Variants in ATF7IP2 observed in about 807,000 individuals in gnomAD.
The protein encoded by ATF7IP2 is activating transcription factor 7-interacting protein 2.
ATF7IP2 carries 42 observed loss-of-function variants against 64.2 expected under a neutral mutation model. The observed-to-expected ratio is 0.65, with a 90% CI of 0.51 to 0.85. The LOEUF is 0.85. ATF7IP2 is among the 40% of genes least tolerant of loss of function. The probability of loss-of-function intolerance (pLI) is 0.00; values close to 1 mark genes in which losing one functional copy is unlikely to be tolerated. For missense variants in ATF7IP2, 933 were observed against 784.2 expected (o/e 1.19, Z -2.27); for synonymous variants, 308 against 272.8 (o/e 1.13, Z -1.27).
At chr16:10,403,290 C>A (rs1168041465) in intron 1 of ATF7IP2, among the ~76,000 whole-genome samples, 1 of 152,100 alleles carries the variant, frequency 6.6e-6, no homozygotes, top group Non-Finnish European at 1.5e-5. Context: ...ATTGTCCATA[C>A]CATGCTGGCT....
rs2050305069 is a variant in ATF7IP2 at position 10,483,328 on chromosome 16, C to A, written c.*1079C>A. On this transcript the variant is annotated 3_prime_UTR_variant, in exon 14 of 14. Transcript: ENST00000562102. Reference sequence around the variant, plus strand: ...TGCTACCCTTTGATCATTTCCTGGCCACCATCACAATACTAAGGGGCTCAG... The same window carrying A: ...TGCTACCCTTTGATCATTTCCTGGCAACCATCACAATACTAAGGGGCTCAG... 2.0e-5 allele frequency: 3 copies of A among 152,110 alleles called. No individual in the cohort carries two copies. The highest frequency in any genetic ancestry group is 4.1e-4 in the South Asian group (2 of 4,826). The allele number at this position is 152,110 out of a possible 1,614,324, so 9.4% of individuals were successfully genotyped here. A position where few individuals can be genotyped will look rare whatever the true frequency, so the allele number is the denominator to read the frequency against.
At chr16:10,414,663 T>TGTGTGTGTG (rs1567436963) in intron 2 of ATF7IP2, 51 bp downstream of exon 2, 2 of 13,262 alleles carry the variant, frequency 1.5e-4, no homozygotes, top group African/African-American at 1.2e-3. Flanking sequence ...GTGTGTGTGT[T>TGTGTGTGTG]TGGGCGGGGG....
chr16:10,389,646 A>C (rs1596410261), intron 1 of ATF7IP2, among the ~76,000 whole-genome samples: 1 of 152,374 alleles, frequency 6.6e-6, no homozygotes, highest in East Asian at 1.9e-4. Context: ...AAAATATTTT[A>C]AAATACTGAG....
At chr16:10,422,935 C>G (rs1031733119) in intron 3 of ATF7IP2, among the ~76,000 whole-genome samples, 1 of 152,292 alleles carries the variant, frequency 6.6e-6, no homozygotes, top group East Asian at 1.9e-4. Flanking sequence ...CCTGTATGTA[C>G]TTGCATTCCT....
At chr16:10,440,286 G>A (rs1182778609) in intron 7 of ATF7IP2, 78 bp from the exon 8 acceptor site, 1 of 647,456 alleles carries the variant, frequency 1.5e-6, no homozygotes, top group African/African-American at 1.9e-5. Context: ...AACTACTTTG[G>A]CAAATAATTT....
intron 3 of ATF7IP2, among the ~76,000 whole-genome samples, chr16:10,425,128 G>A (rs2048059023): frequency 6.8e-6 from 1 of 146,044 alleles, no homozygotes. Flanking sequence ...GCTCAATCTC[G>A]GCTCACGGCA....
At chr16:10,465,030 A>G (rs1248092475) in intron 9 of ATF7IP2, among the ~76,000 whole-genome samples, 1 of 152,194 alleles carries the variant, frequency 6.6e-6, no homozygotes, top group African/African-American at 2.4e-5. Flanking sequence ...GGGTTTCGCC[A>G]TGTTAGTCAG....
intron 1 of ATF7IP2, among the ~76,000 whole-genome samples, chr16:10,396,571 G>T (rs920495347): frequency 3.3e-5 from 5 of 151,984 alleles, no homozygotes; most frequent in African/African-American, 1.2e-4. Flanking sequence ...GGCCCAGGCT[G>T]GAGTGCAGTG....
rs749235764 is a variant in ATF7IP2 at position 10,430,654 on chromosome 16, T to A, written c.34T>A (p.Leu12Ile). The A allele has an allele frequency of 3.1e-6, 5 of 1,613,892 alleles. No homozygotes were observed. Among genetic ancestry groups the A allele is most frequent in the Admixed American group, 1.7e-5 (1 of 59,986 alleles). Residue 12 changes from leucine to isoleucine, a missense_variant, in exon 5 of 14, where the codon TTA becomes ATA. Physicochemically the swap from Leu to Ile is conservative, Grantham distance 5 (BLOSUM62 2). Coordinates refer to ENST00000562102, the MANE Select transcript of ATF7IP2 (RefSeq NM_001393719.1). ...ASPDRSKRKILKAKKTMPLSC... is the reference protein window; with the variant it reads ...ASPDRSKRKIIKAKKTMPLSC... ...TCCAGATAGAAGTAAACGGAAGATA[T>A]TAAAAGCCAAAAAGACAATGCCCCT... is the stretch of plus-strand genomic sequence containing the variant.
intron 9 of ATF7IP2, among the ~76,000 whole-genome samples, chr16:10,467,906 T>C (rs1282907626): frequency 6.9e-6 from 1 of 145,064 alleles, no homozygotes; most frequent in Non-Finnish European, 1.5e-5. Context: ...TGAGACAGAG[T>C]TTTGCTCTTG....
chr16:10,445,815 T>C (rs1005908675), intron 8 of ATF7IP2: 1 of 152,176 alleles, frequency 6.6e-6, no homozygotes, highest in Admixed American at 6.5e-5. Flanking sequence ...CCCTGGAGAT[T>C]ATTAAATACA....
At chr16:10,417,880 T>C (rs1313629406) in intron 2 of ATF7IP2, among the ~76,000 whole-genome samples, 1 of 152,216 alleles carries the variant, frequency 6.6e-6, no homozygotes, top group African/African-American at 2.4e-5. Flanking sequence ...TCAATTTGTT[T>C]TTTATGAGGG....
At chr16:10,388,496 G>C (rs548312840) in intron 1 of ATF7IP2, among the ~76,000 whole-genome samples, 1 of 152,304 alleles carries the variant, frequency 6.6e-6, no homozygotes, top group Admixed American at 6.5e-5. Context: ...AGTGTGTACA[G>C]TATGCTGATG....
Position 10,467,404 on chromosome 16 carries a change from A to G in ATF7IP2, c.1353-4706A>G, listed in dbSNP as rs191498221. On this transcript the variant is annotated intron_variant, in intron 9 of 13. Coordinates refer to ENST00000562102, the MANE Select transcript of ATF7IP2 (RefSeq NM_001393719.1). Reference sequence around the variant, plus strand: ...TTGAAATTGATAAAGTATTTTGACTATCGTATAATGAACATCTGAGAAGAA... The same window carrying G: ...TTGAAATTGATAAAGTATTTTGACTGTCGTATAATGAACATCTGAGAAGAA... Among the ~76,000 whole-genome samples the G allele has an allele frequency of 2.0e-4, 31 of 152,328 alleles. 1 individual carries two copies. The highest frequency in any genetic ancestry group is 1.9e-3 in the Admixed American group (29 of 15,296).
At chr16:10,422,846 C>T (rs377700003) in intron 3 of ATF7IP2, among the ~76,000 whole-genome samples, 13 of 152,218 alleles carry the variant, frequency 8.5e-5, no homozygotes, top group East Asian at 5.8e-4. Flanking sequence ...GCGCTATACA[C>T]GCTCCTGGCT....
chr16:10,421,771 A>G (rs1196091573), intron 3 of ATF7IP2, among the ~76,000 whole-genome samples: 2 of 152,226 alleles, frequency 1.3e-5, no homozygotes, highest in African/African-American at 4.8e-5. Flanking sequence ...AGTAGATTCA[A>G]TTGCTTGCCC....
chr16:10,390,448 G>C (rs1319459805), intron 1 of ATF7IP2, among the ~76,000 whole-genome samples: 1 of 152,076 alleles, frequency 6.6e-6, no homozygotes, highest in African/African-American at 2.4e-5. Flanking sequence ...ACTAAAGTAG[G>C]GCTTAGAGGA....
chr16:10,426,845 G>GT (rs536906880), intron 3 of ATF7IP2, among the ~76,000 whole-genome samples: 66 of 150,698 alleles, frequency 4.4e-4, no homozygotes, highest in Non-Finnish European at 7.0e-4. Flanking sequence ...TTGGTTTTTG[G>GT]TTTTTTTTTG....
Position 10,483,347 on chromosome 16 carries a change from G to A in ATF7IP2, c.*1098G>A, listed in dbSNP as rs987533318. 4 of 152,040 alleles carry A rather than the reference G, an allele frequency of 2.6e-5. No individual in the cohort carries two copies. Among genetic ancestry groups the A allele is most frequent in the African/African-American group, 4.8e-5 (2 of 41,356 alleles). The allele number at this position is 152,040 out of a possible 1,614,324, so 9.4% of individuals were successfully genotyped here. A position where few individuals can be genotyped will look rare whatever the true frequency, so the allele number is the denominator to read the frequency against. On this transcript the variant is annotated 3_prime_UTR_variant, in exon 14 of 14. Coordinates refer to ENST00000562102, the MANE Select transcript of ATF7IP2 (RefSeq NM_001393719.1). Reference sequence around the variant, plus strand: ...CCTGGCCACCATCACAATACTAAGGGGCTCAGATGTGTCTTGTGCCCACCT... The same window carrying A: ...CCTGGCCACCATCACAATACTAAGGAGCTCAGATGTGTCTTGTGCCCACCT...
Sources: gnomAD v4.1 joint callset for allele counts (sites outside exome capture counted in the v4.1 genomes callset) on GRCh38, gnomAD v4.1.1 for gene constraint, MANE v1.5 for transcripts, NCBI Gene and HGNC (gene_info 2026-07-23, HGNC 2026-07-21) for gene names.